Variants in POTEC observed in about 807,000 individuals in gnomAD.
POTEC encodes the protein ANKRD26-like family B member 2.
Under a neutral mutation model 62.0 loss-of-function variants are expected in POTEC, and 35 were observed. The observed-to-expected ratio is 0.56, with a 90% CI of 0.43 to 0.75. POTEC has a LOEUF of 0.75. POTEC is among the 30% of genes least tolerant of loss of function. POTEC has a pLI of 0.00. For synonymous variants in POTEC, 156 were observed against 221.5 expected (o/e 0.70, Z 2.62); for missense variants, 472 against 655.9 (o/e 0.72, Z 3.06).
chr18:14,524,738 A>G (rs891901534), intron 7 of POTEC, among the ~76,000 whole-genome samples, 175 bp downstream of exon 7: 1 of 151,936 alleles, frequency 6.6e-6, no homozygotes, highest in Non-Finnish European at 1.5e-5. Context: ...TCTGTTAATG[A>G]GATTGCTGAA....
intron 9 of POTEC, among the ~76,000 whole-genome samples, chr18:14,520,426 G>C (rs999864896): frequency 2.0e-5 from 3 of 151,792 alleles, no homozygotes; most frequent in African/African-American, 7.3e-5. Context: ...AGTACTTCTT[G>C]CTTGATAAAA....
In POTEC at chr18:14,543,251, G is replaced by C. The variant is rs1906025297; in HGVS notation, c.-105C>G. On this transcript the variant is annotated 5_prime_UTR_variant, in exon 1 of 11. Transcript: ENST00000358970. The stretch of plus-strand genomic sequence containing the variant: ...CCTGGGTTTCCAATCTGTTTGAAGA[G>C]AAAGGTCAATCCCAGCCAAAACTTG... 5 of 1,503,850 alleles carry C rather than the reference G, an allele frequency of 3.3e-6. No individual in the cohort carries two copies. The allele number at this position is 1,503,850 out of a possible 1,614,324, so 93.2% of individuals were successfully genotyped here. A position where few individuals can be genotyped will look rare whatever the true frequency, so the allele number is the denominator to read the frequency against.
chr18:14,519,798 TGAG>T (rs1405828474), intron 9 of POTEC, among the ~76,000 whole-genome samples: 1 of 151,382 alleles, frequency 6.6e-6, no homozygotes, highest in African/African-American at 2.4e-5. Flanking sequence ...AGGAGAAAGA[TGAG>T]GAGGAGCAAG....
chr18:14,524,098 C>T (rs988484794), intron 7 of POTEC, among the ~76,000 whole-genome samples: 11 of 152,230 alleles, frequency 7.2e-5, no homozygotes, highest in Middle Eastern at 3.4e-3. Context: ...TGTTATGTAT[C>T]TAGATGATCT....
chr18:14,537,627 G>C (rs1303861647), intron 3 of POTEC, among the ~76,000 whole-genome samples, 174 bp downstream of exon 3: 7 of 151,882 alleles, frequency 4.6e-5, no homozygotes, highest in African/African-American at 9.7e-5. Flanking sequence ...ACCCTCTAAT[G>C]CTTCTTTAAA....
At chr18:14,542,007 A>G (rs535647718) in intron 1 of POTEC, among the ~76,000 whole-genome samples, 2 of 152,170 alleles carry the variant, frequency 1.3e-5, no homozygotes, top group African/African-American at 4.8e-5. Flanking sequence ...CAAAAAATCA[A>G]TTTATCACAA....
chr18:14,523,956 A>C (rs1483247184), intron 7 of POTEC, among the ~76,000 whole-genome samples: 2 of 152,170 alleles, frequency 1.3e-5, no homozygotes, highest in African/African-American at 4.8e-5. Flanking sequence ...TAGTGCACTG[A>C]AGTGCTTTTT....
rs9807555 is a variant in POTEC at position 14,542,950 on chromosome 18, T to C, written c.197A>G (p.His66Arg). ...CCCCCTGCAGCAGGGGAAGCAGTGG[T>C]GGCAACACTTGCCCATCTTGCTCCT... ...MLRSKMGKCCHHCFPCCRGSG... is the reference protein window; with the variant it reads ...MLRSKMGKCCRHCFPCCRGSG... The change falls in exon 1 of 11, where the codon CAC becomes CGC. Residue 66 changes from histidine to arginine, a missense_variant. Transcript: ENST00000358970. The C allele has an allele frequency of 0.17, 275,770 of 1,594,546 alleles. 29,200 individuals carry two copies. The highest frequency in any genetic ancestry group is 0.48 in the East Asian group (21,176 of 44,446).
chr18:14,534,385 T>C (rs1298820915), intron 4 of POTEC, among the ~76,000 whole-genome samples: 1 of 152,056 alleles, frequency 6.6e-6, no homozygotes, highest in Non-Finnish European at 1.5e-5. Flanking sequence ...ACCCACAGTA[T>C]GTGGGAATAG....
chr18:14,542,774 C>T lies in POTEC; in HGVS notation c.373G>A (p.Asp125Asn), dbSNP rs540152352. 1 of 1,613,610 alleles carries T rather than the reference C, an allele frequency of 6.2e-7. No homozygotes were observed. Among genetic ancestry groups the T allele is most frequent in the South Asian group, 1.1e-5 (1 of 91,044 alleles). The change falls in exon 1 of 11, where the codon GAC becomes AAC. Residue 125 changes from aspartate to asparagine, a missense_variant. Physicochemically the swap from Asp to Asn is conservative, Grantham distance 23. Coordinates refer to ENST00000358970, the MANE Select transcript of POTEC (RefSeq NM_001137671.2). ...SNVGAWGDYD[D>N]SAFMEPRYHV... is the part of the protein sequence containing the mutation. ...TACCTCGGCTCCATGAAGGCGCTGT[C>T]GTCGTAGTCTCCCCAAGCGCCCACG...
Position 14,509,266 on chromosome 18 carries a change from G to C in POTEC, c.*2632C>G, listed in dbSNP as rs1468802696. 6.6e-6 allele frequency: 1 copy of C among 152,354 alleles called. No homozygotes were observed. The highest frequency in any genetic ancestry group is 1.5e-5 in the Non-Finnish European group (1 of 68,152). 9.4% of individuals were successfully genotyped at this position (152,354 alleles called of 1,614,324 possible). A position where few individuals can be genotyped will look rare whatever the true frequency, so the allele number is the denominator to read the frequency against. ...TTGCACTGGAGGTAGTGCTGGTTTG[G>C]GGTGGGTGGCTGGCCAGTGAAGGTG... On this transcript the variant is annotated 3_prime_UTR_variant, in exon 11 of 11. Coordinates refer to ENST00000358970, the MANE Select transcript of POTEC (RefSeq NM_001137671.2).
chr18:14,525,176 GATTCACTCAC>G (rs1381578162), intron 6 of POTEC, among the ~76,000 whole-genome samples, 193 bp from the exon 7 acceptor site: 4 of 151,690 alleles, frequency 2.6e-5, no homozygotes, highest in Non-Finnish European at 5.9e-5. Context: ...CACCTGATGT[GATTCACTCAC>G]AAATTCATCC....
intron 3 of POTEC, among the ~76,000 whole-genome samples, chr18:14,536,778 T>C (rs1046863080): frequency 7.2e-5 from 11 of 152,122 alleles, no homozygotes; most frequent in Non-Finnish European, 1.5e-4. Context: ...AGAGACTCAT[T>C]TGCTGAAAAC....
chr18:14,521,986 T>A (rs1184669364), intron 9 of POTEC, among the ~76,000 whole-genome samples: 1 of 152,098 alleles, frequency 6.6e-6, no homozygotes, highest in Non-Finnish European at 1.5e-5. Flanking sequence ...AACCTGCACA[T>A]GAACTTCTGA....
At chr18:14,525,080 T>C (rs1323658612) in intron 6 of POTEC, 97 bp from the exon 7 acceptor site, 1 of 1,526,722 alleles carries the variant, frequency 6.5e-7, no homozygotes, top group Non-Finnish European at 8.8e-7. Flanking sequence ...CATTTTATTT[T>C]ATTTCATAAA....
At position 14,510,137 on chromosome 18, in the gene POTEC, T is replaced by A. The variant is rs1217934571; in HGVS notation, c.*1761A>T. ...GTTACTTAATGTAATCACCCCAGGA[T>A]GGAGGGTCTGTGTTGTGGGCCCAAG... On this transcript the variant is annotated 3_prime_UTR_variant, in exon 11 of 11. Transcript: ENST00000358970. 2 of 151,860 alleles carry A rather than the reference T, an allele frequency of 1.3e-5. No homozygotes were observed. Among genetic ancestry groups the A allele is most frequent in the Admixed American group, 6.6e-5 (1 of 15,260 alleles). 9.4% of individuals were successfully genotyped at this position (151,860 alleles called of 1,614,324 possible). A position where few individuals can be genotyped will look rare whatever the true frequency, so the allele number is the denominator to read the frequency against.
chr18:14,512,090 A>C, intron 10 of POTEC, 97 bp from the exon 11 acceptor site: 7 of 1,016,182 alleles, frequency 6.9e-6, no homozygotes, highest in Non-Finnish European at 1.0e-5. Flanking sequence ...TTGTATAATG[A>C]AATAATTCCC....
intron 6 of POTEC, among the ~76,000 whole-genome samples, chr18:14,530,188 C>T (rs1256344683): frequency 1.3e-5 from 2 of 151,600 alleles, no homozygotes; most frequent in African/African-American, 4.8e-5. Flanking sequence ...AATCTAATGC[C>T]TGATGATATG....
chr18:14,535,142 T>G lies in POTEC; in HGVS notation c.811-135A>C, dbSNP rs1905669554. 8 of 1,360,072 alleles carry G rather than the reference T, an allele frequency of 5.9e-6. No homozygotes were observed. The African/African-American group carries it at 1.2e-4, about 20-fold the overall frequency. 84.3% of individuals were successfully genotyped at this position (1,360,072 alleles called of 1,614,324 possible). On this transcript the variant is annotated intron_variant, in intron 3 of 10. Coordinates refer to ENST00000358970, the MANE Select transcript of POTEC (RefSeq NM_001137671.2). ...TCACTTCCTTCTCACTCTTCTGTAC[T>G]TTCCCACATGCCACTCCTTCCCTTG...
Sources: allele counts gnomAD v4.1 joint callset (sites outside exome capture counted in the v4.1 genomes callset), GRCh38; gene constraint gnomAD v4.1.1; transcripts MANE v1.5; gene names NCBI Gene and HGNC (gene_info 2026-07-23, HGNC 2026-07-21).